DIXDC1: variants seen among roughly 807,000 people sequenced by gnomAD.
The protein encoded by DIXDC1 is DIX domain containing 1, also known as dixin.
In DIXDC1, 64 loss-of-function variants were observed where a neutral mutation model predicts 103.1. The ratio of observed to expected loss-of-function variants is 0.62; its 90% CI spans 0.51 to 0.76. The LOEUF is 0.76. Ranked by LOEUF, DIXDC1 falls within the 30% of genes least tolerant of loss-of-function variation. The pLI is 0.00. For missense variants in DIXDC1, 759 were observed against 834.2 expected (o/e 0.91, Z 1.11); for synonymous variants, 266 against 298.5 (o/e 0.89, Z 1.12).
In DIXDC1 at chr11:111,982,409, G is replaced by C; in HGVS notation, c.840G>C (p.Trp280Cys). 2 of 1,613,926 alleles carry C rather than the reference G, an allele frequency of 1.2e-6. No homozygotes were observed. Among genetic ancestry groups the C allele is most frequent in the Non-Finnish European group, 1.7e-6 (2 of 1,179,862 alleles). Residue 280 changes from tryptophan (W) to cysteine (C), a missense_variant, in exon 7 of 20, where the codon TGG becomes TGC. Physicochemically the swap from Trp to Cys is radical, Grantham distance 215. Coordinates refer to ENST00000440460, the MANE Select transcript of DIXDC1 (RefSeq NM_001037954.4). ...GSPGTYLETS[W>C]EEQLLEQQEY... is the part of the protein sequence containing the mutation. Reference sequence around the variant, plus strand: ...CTGGAACCTATCTGGAGACCTCATGGGAAGAACAGCTGTTGGAACAACAAG... The same window carrying C: ...CTGGAACCTATCTGGAGACCTCATGCGAAGAACAGCTGTTGGAACAACAAG...
At chr11:111,950,438 ATTTTTTTTTTTTTTTTT>A (rs59473485) in intron 1 of DIXDC1, among the ~76,000 whole-genome samples, 7 of 15,164 alleles carry the variant, frequency 4.6e-4, no homozygotes, top group Admixed American at 1.7e-3. Context: ...ATATATATAT[ATTTTTTTTTTTTTTTTT>A]TTTTTTTTTT....
At chr11:111,988,574 TCCAACCCTTTG>T (rs1860580380) in intron 9 of DIXDC1, among the ~76,000 whole-genome samples, 2 of 152,196 alleles carry the variant, frequency 1.3e-5, no homozygotes, top group Admixed American at 1.3e-4. Context: ...TCAGAAACAC[TCCAACCCTTTG>T]CTAAACATTA....
intron 17 of DIXDC1, among the ~76,000 whole-genome samples, chr11:112,005,684 TGACA>T (rs1174364125): frequency 3.3e-5 from 5 of 152,090 alleles, no homozygotes; most frequent in African/African-American, 7.2e-5. Flanking sequence ...GGCAGCTGGG[TGACA>T]GACAGAGTGA....
chr11:111,967,287 C>T (rs1177665461), intron 2 of DIXDC1, among the ~76,000 whole-genome samples: 1 of 152,236 alleles, frequency 6.6e-6, no homozygotes, highest in African/African-American at 2.4e-5. Flanking sequence ...GTCCTTCCCC[C>T]TACCAATCCC....
chr11:111,939,659 T>TA (rs880002726), intron 1 of DIXDC1, among the ~76,000 whole-genome samples: 9 of 152,310 alleles, frequency 5.9e-5, no homozygotes, highest in Admixed American at 3.9e-4. Context: ...AATGGTTCCT[T>TA]ACAGTTTAAA....
chr11:111,972,208 A>T (rs1463430340), intron 3 of DIXDC1, among the ~76,000 whole-genome samples: 1 of 152,236 alleles, frequency 6.6e-6, no homozygotes, highest in African/African-American at 2.4e-5. Context: ...AAAATAAAAT[A>T]AAAATTTACC....
At position 111,980,771 on chromosome 11, in the gene DIXDC1, A is replaced by C. The variant is rs781863884; in HGVS notation, c.691A>C (p.Ser231Arg). Residue 231 changes from serine to arginine, a missense_variant, in exon 6 of 20, where the codon AGC (serine) becomes CGC (arginine). By Grantham distance (110) the Ser-to-Arg change is moderately radical. This residue lies in a region of DIXDC1 where 657 missense variants were observed against 727.5 expected (regional missense o/e 0.90). Transcript: ENST00000440460. ...TSPSPIHSAK[S>R]ESIITQSEEK... The stretch of plus-strand genomic sequence containing the variant: ...ACCCAGTCCAATCCACAGTGCAAAG[A>C]GCGAGTCCATTATAACCCAGTCAGA... The C allele has an allele frequency of 5.6e-5, 91 of 1,613,902 alleles. No individual in the cohort carries two copies. The South Asian group carries it at 9.8e-4, about 17-fold the overall frequency.
chr11:111,930,004 A>G, intron 2 of DIXDC1: 3 of 1,146,968 alleles, frequency 2.6e-6, no homozygotes, highest in Non-Finnish European at 3.6e-6. Context: ...CAGGACTCAG[A>G]TCCTGGAACA....
At chr11:111,940,629 C>T (rs1288081772) in intron 1 of DIXDC1, among the ~76,000 whole-genome samples, 2 of 152,048 alleles carry the variant, frequency 1.3e-5, no homozygotes, top group African/African-American at 4.8e-5. Context: ...AATATGCATT[C>T]ATTTATTCAG....
chr11:111,928,553 G>T (rs1965910224), intron 1 of DIXDC1: 1 of 151,170 alleles, frequency 6.6e-6, no homozygotes, highest in African/African-American at 2.4e-5. Flanking sequence ...CTGAGGTCAG[G>T]AGCTCGAGAC....
At chr11:111,962,373 T>C (rs1555171155) in intron 1 of DIXDC1, among the ~76,000 whole-genome samples, 1 of 151,964 alleles carries the variant, frequency 6.6e-6, no homozygotes, top group Non-Finnish European at 1.5e-5. Context: ...TCCCAGCTAC[T>C]TGGGAGGCTG....
upstream of DIXDC1, among the ~76,000 whole-genome samples, chr11:111,932,857 T>C (rs1385304468): frequency 6.6e-6 from 1 of 151,668 alleles, no homozygotes; most frequent in Non-Finnish European, 1.5e-5. Flanking sequence ...CCATGTGTTA[T>C]GTGTATATTT....
upstream of DIXDC1, among the ~76,000 whole-genome samples, chr11:111,932,494 G>A (rs1966058921): frequency 6.6e-6 from 1 of 151,526 alleles, no homozygotes; most frequent in Admixed American, 6.6e-5. Context: ...GCTGAGGCAG[G>A]AGAATGGCGT....
intron 3 of DIXDC1, among the ~76,000 whole-genome samples, chr11:111,973,047 A>G (rs1253362639): frequency 6.9e-6 from 1 of 144,824 alleles, no homozygotes; most frequent in Non-Finnish European, 1.5e-5. Context: ...GGAAAAAAAA[A>G]AAGAGTTTCT....
At chr11:111,966,021 T>G (rs1392924586) in intron 2 of DIXDC1, among the ~76,000 whole-genome samples, 4 of 152,176 alleles carry the variant, frequency 2.6e-5, no homozygotes, top group Admixed American at 2.6e-4. Context: ...AACCTCCTTT[T>G]TCCACTTATG....
chr11:111,955,570 C>A (rs1024813372), intron 1 of DIXDC1, among the ~76,000 whole-genome samples: 1 of 151,792 alleles, frequency 6.6e-6, no homozygotes, highest in Non-Finnish European at 1.5e-5. Flanking sequence ...TGCGGTGGCT[C>A]ATGCCTGTAA....
intron 1 of DIXDC1, among the ~76,000 whole-genome samples, chr11:111,944,531 C>T (rs1555169192): frequency 6.6e-6 from 1 of 152,202 alleles, no homozygotes; most frequent in Non-Finnish European, 1.5e-5. Flanking sequence ...AAGAAGGTTA[C>T]ATTTGGTGGC....
At chr11:111,979,231 G>A (rs1860219568) in intron 5 of DIXDC1, among the ~76,000 whole-genome samples, 1 of 152,186 alleles carries the variant, frequency 6.6e-6, no homozygotes, top group Non-Finnish European at 1.5e-5. Context: ...TGAGACACTA[G>A]TCCTCAGGCT....
In DIXDC1 at chr11:111,977,608, C is replaced by T. The variant is rs1555172767; in HGVS notation, c.656+2625C>T. Reference sequence around the variant, plus strand: ...CCGCCGCCGCCGCCGTTCCCGCTTTCTCCCGCGAGCCGGGCCAGTAGCTTT... The same window carrying T: ...CCGCCGCCGCCGCCGTTCCCGCTTTTTCCCGCGAGCCGGGCCAGTAGCTTT... On this transcript the variant is annotated intron_variant, in intron 5 of 19. Transcript: ENST00000440460. This position sits in a 1 kb window ranked among gnomAD's most constrained non-coding sequence, Gnocchi z 6.1. 6.6e-7 allele frequency: 1 copy of T among 1,518,876 alleles called. No individual in the cohort carries two copies. Among genetic ancestry groups the T allele is most frequent in the East Asian group, 2.5e-5 (1 of 39,574 alleles). The allele number at this position is 1,518,876 out of a possible 1,614,324, so 94.1% of individuals were successfully genotyped here.
Sources: allele counts gnomAD v4.1 joint callset (sites outside exome capture counted in the v4.1 genomes callset), GRCh38; gene constraint gnomAD v4.1.1; regional missense constraint gnomAD v4.1.1; non-coding constraint Gnocchi (gnomAD v3.1); transcripts MANE v1.5; gene names NCBI Gene and HGNC (gene_info 2026-07-23, HGNC 2026-07-21).